Variants in DHX57 observed in about 807,000 individuals in gnomAD.
DHX57 encodes the protein putative ATP-dependent RNA helicase DHX57.
A neutral mutation model predicts 156.2 loss-of-function variants in DHX57; 105 were observed. The observed-to-expected ratio is 0.67, with a 90% CI of 0.57 to 0.79. DHX57 has a LOEUF of 0.79. DHX57 is among the 30% of genes least tolerant of loss of function. DHX57 has a pLI of 0.00. For missense variants in DHX57, 1,847 were observed against 1,661.9 expected, an observed-to-expected ratio of 1.11 and a Z score of -1.94; for synonymous variants, 704 against 595.6, an observed-to-expected ratio of 1.18 and a Z score of -2.65.
chr2:38,821,183 G>A (rs1670795664), intron 17 of DHX57, among the ~76,000 whole-genome samples: 1 of 152,002 alleles, frequency 6.6e-6, no homozygotes, highest in Non-Finnish European at 1.5e-5. Flanking sequence ...GAATGAAAAG[G>A]AAAACCAAAA....
chr2:38,824,274 G>A (rs1372971500), intron 16 of DHX57, among the ~76,000 whole-genome samples: 1 of 152,164 alleles, frequency 6.6e-6, no homozygotes, highest in Non-Finnish European at 1.5e-5. Flanking sequence ...GACAAATGCT[G>A]GATGGTTCTA....
At chr2:38,814,784 G>T (rs1054250287) in intron 20 of DHX57, among the ~76,000 whole-genome samples, 2 of 151,222 alleles carry the variant, frequency 1.3e-5, no homozygotes, top group Non-Finnish European at 2.9e-5. Flanking sequence ...GTGCAATGGC[G>T]CGATCTCGGC....
At position 38,816,389 on chromosome 2, in the gene DHX57, A is replaced by T. The variant is rs562959215; in HGVS notation, c.3472-734T>A. On this transcript the variant is annotated intron_variant, in intron 19 of 23. Coordinates refer to ENST00000457308, the MANE Select transcript of DHX57 (RefSeq NM_198963.3). ...GCCACCACGCCCAGCCAATTTTTGT[A>T]TTTTTAGTAGAGACGGAGGTTTCAC... is the stretch of plus-strand genomic sequence containing the variant. Among the ~76,000 whole-genome samples, 421 of 151,394 alleles carry T rather than the reference A, an allele frequency of 2.8e-3. 2 individuals carry two copies. Among genetic ancestry groups the T allele is most frequent in the African/African-American group, 9.8e-3 (405 of 41,234 alleles).
intron 17 of DHX57, among the ~76,000 whole-genome samples, chr2:38,822,271 G>A (rs376526992): frequency 1.3e-5 from 2 of 152,006 alleles, no homozygotes; most frequent in Non-Finnish European, 2.9e-5. Flanking sequence ...AGTAGAGACG[G>A]GGTTTCTCCA....
chr2:38,862,327 G>C lies in DHX57; in HGVS notation c.390C>G (p.Gly130=), dbSNP rs760908368. The C allele has an allele frequency of 5.7e-6, 9 of 1,565,846 alleles. No homozygotes were observed. Among genetic ancestry groups the C allele is most frequent in the Middle Eastern group, 1.7e-4 (1 of 5,832 alleles). ...EQDADAGSER[G]LSGEEEDDEP... is the part of the protein sequence containing the mutation. ...CATCATCTTCCTCCTCCCCAGAAAG[G>C]CCTCTTCTAGCAAAGGCAACATTTT... The change falls in exon 4 of 24, where the codon GGC becomes GGG. Residue 130 remains glycine (G), a synonymous_variant. Coordinates refer to ENST00000457308, the MANE Select transcript of DHX57 (RefSeq NM_198963.3).
rs754210493 is a variant in DHX57, at chr2:38,868,377, T to C, written c.29A>G (p.Lys10Arg). MSSSVRRKG[K>R]PGKGGGKGSS... ...CCCTTTTCCACCTCCTTTGCCTGGC[T>C]TGCCTTTTCTTCTTACTGAAGAACT... Residue 10 changes from lysine to arginine, a missense_variant, in exon 2 of 24, where the codon AAG (lysine) becomes AGG (arginine). Physicochemically the swap from Lys to Arg is conservative, Grantham distance 26 (BLOSUM62 2). Coordinates refer to ENST00000457308, the MANE Select transcript of DHX57 (RefSeq NM_198963.3). 3 of 1,613,384 alleles carry C rather than the reference T, an allele frequency of 1.9e-6. No homozygotes were observed. The South Asian group carries it at 3.3e-5, about 18-fold the overall frequency.
chr2:38,836,775 C>CAAAAAAAAA (rs964200602), intron 13 of DHX57, among the ~76,000 whole-genome samples: 62 of 41,874 alleles, frequency 1.5e-3, no homozygotes, highest in East Asian at 3.9e-3. Context: ...GACCCTGTCT[C>CAAAAAAAAA]AAAAAAAAAA....
chr2:38,830,858 C>G (rs772440158), intron 13 of DHX57, among the ~76,000 whole-genome samples: 1 of 152,068 alleles, frequency 6.6e-6, no homozygotes, highest in Non-Finnish European at 1.5e-5. Context: ...CTTTGAGAGG[C>G]TGAAGTGGGA....
At chr2:38,871,900 G>A (rs1336028259) in intron 1 of DHX57, among the ~76,000 whole-genome samples, 1 of 152,080 alleles carries the variant, frequency 6.6e-6, no homozygotes, top group South Asian at 2.1e-4. Context: ...AGTAGAGACA[G>A]GGTTTCACCA....
At chr2:38,804,082 C>A (rs566753692) in intron 22 of DHX57, among the ~76,000 whole-genome samples, 67 of 152,312 alleles carry the variant, frequency 4.4e-4, no homozygotes, top group African/African-American at 1.5e-3. Context: ...CAATTTAGTA[C>A]AAACCATTGT....
In DHX57 at chr2:38,860,253, C is replaced by T. The variant is rs572633561; in HGVS notation, c.1411+746G>A. On this transcript the variant is annotated intron_variant, in intron 5 of 23. Transcript: ENST00000457308. ...TCACCTGAGGTCAGGAGTTCAAGAC[C>T]AGCCTGGCCAACATGGTGAAACCCT... Among the ~76,000 whole-genome samples the T allele has an allele frequency of 2.0e-5, 3 of 152,190 alleles. No homozygotes were observed. In the East Asian group the frequency reaches 5.8e-4, roughly 30 times the overall value.
At chr2:38,875,502 G>C (rs1028116257) in intron 1 of DHX57, among the ~76,000 whole-genome samples, 1 of 152,094 alleles carries the variant, frequency 6.6e-6, no homozygotes. Flanking sequence ...CCCTTAGCCT[G>C]CTCCAAGACT....
chr2:38,816,689 A>G (rs1290592309), intron 19 of DHX57, among the ~76,000 whole-genome samples: 1 of 152,198 alleles, frequency 6.6e-6, no homozygotes. Flanking sequence ...CTGTCTCTCA[A>G]TGATGGTTTA....
At chr2:38,841,372 T>C (rs1196763359) in intron 12 of DHX57, among the ~76,000 whole-genome samples, 1 of 152,248 alleles carries the variant, frequency 6.6e-6, no homozygotes, top group African/African-American at 2.4e-5. Context: ...TAGCTGGTTT[T>C]ATGAGAGCCT....
intron 1 of DHX57, among the ~76,000 whole-genome samples, chr2:38,875,494 C>T (rs1014930287): frequency 6.6e-6 from 1 of 152,224 alleles, no homozygotes; most frequent in Non-Finnish European, 1.5e-5. Context: ...CAATCAACCC[C>T]TTAGCCTGCT....
At chr2:38,858,640 C>T (rs376074507) in intron 6 of DHX57, 21 bp downstream of exon 6, 76 of 1,596,780 alleles carry the variant, frequency 4.8e-5, no homozygotes, top group Non-Finnish European at 5.9e-5. Flanking sequence ...CAACGTTACT[C>T]ATTCTCTCAG....
rs564479491 is a variant in DHX57, at chr2:38,828,199, CA to C, written c.2639+140del. The C allele has an allele frequency of 4.9e-4, 260 of 534,580 alleles. 1 individual carries two copies. The African/African-American group carries it at 4.9e-3, about 10-fold the overall frequency. The allele number at this position is 534,580 out of a possible 1,614,324, so 33.1% of individuals were successfully genotyped here. A position where few individuals can be genotyped will look rare whatever the true frequency, so the allele number is the denominator to read the frequency against. On this transcript the variant is annotated intron_variant, in intron 14 of 23. Transcript: ENST00000457308. ...AAAGGGAATAACTGATTTCCTGCAGCAAATAGGTTTGCTCATTTCCAGCTGG... is the reference window on the plus strand; with the variant it reads ...AAAGGGAATAACTGATTTCCTGCAGCAATAGGTTTGCTCATTTCCAGCTGG...
At position 38,854,100 on chromosome 2, in the gene DHX57, C is replaced by T. The variant is rs61757605; in HGVS notation, c.1984G>A (p.Val662Ile). The change falls in exon 9 of 24, where the codon GTT (valine) becomes ATT (isoleucine). Residue 662 changes from valine (V) to isoleucine (I), a missense_variant. Physicochemically the swap from Val to Ile is conservative, Grantham distance 29. Transcript: ENST00000457308. The stretch of plus-strand genomic sequence containing the variant: ...ACTTCATCAACAATGATATGGGAAA[C>T]TCCTTGTAGAGCTGTATCTCCTTCT... The part of the protein sequence containing the change: ...RLEGDTALQG[V>I]SHIIVDEVHE... 1.2e-4 allele frequency: 201 copies of T among 1,613,872 alleles called. No individual in the cohort carries two copies. The highest frequency in any genetic ancestry group is 1.6e-4 in the Non-Finnish European group (193 of 1,179,910).
chr2:38,825,446 G>A (rs1322933784), intron 16 of DHX57, among the ~76,000 whole-genome samples: 3 of 152,164 alleles, frequency 2.0e-5, no homozygotes, highest in African/African-American at 4.8e-5. Flanking sequence ...GGGATTACAG[G>A]TGTGTGCTAT....
Sources: allele counts gnomAD v4.1 joint callset (sites outside exome capture counted in the v4.1 genomes callset), GRCh38; gene constraint gnomAD v4.1.1; transcripts MANE v1.5; gene names NCBI Gene and HGNC (gene_info 2026-07-23, HGNC 2026-07-21).